The following FOXN3 variants were observed in gnomAD, a reference collection of about 807,000 sequenced individuals.
FOXN3 encodes forkhead box protein N3.
A neutral mutation model predicts 38.4 loss-of-function variants in FOXN3; 7 were observed. That is an observed-to-expected ratio of 0.18 (90% CI 0.10 to 0.34). The LOEUF (loss-of-function observed/expected upper bound fraction) is 0.34. FOXN3 is among the 10% of genes least tolerant of loss of function. The probability of loss-of-function intolerance (pLI) is 1.00; values close to 1 mark genes in which losing one functional copy is unlikely to be tolerated. For synonymous variants in FOXN3, 230 were observed against 242.2 expected (o/e 0.95, Z 0.47); for missense variants, 456 against 613.4 (o/e 0.74, Z 2.71).
intron 3 of FOXN3, among the ~76,000 whole-genome samples, chr14:89,310,682 T>G (rs765061788): frequency 6.6e-6 from 1 of 152,172 alleles, no homozygotes; most frequent in Non-Finnish European, 1.5e-5. Context: ...CTGCTAGCAT[T>G]TGGGCACCAT....
At position 89,264,218 on chromosome 14, in the gene FOXN3, C is replaced by G. The variant is rs1394038545; in HGVS notation, c.745+16732G>C. 2.6e-5 allele frequency among the ~76,000 whole-genome samples: 4 copies of G among 152,064 alleles called. No homozygotes were observed. The East Asian group carries it at 7.7e-4, about 29-fold the overall frequency. ...GCTGCTGATAAAGACATACCCGAGA[C>G]TGGGTAATTTGTAAAGAAAAAGGTT... On this transcript the variant is annotated intron_variant, in intron 4 of 5. Coordinates refer to ENST00000557258, the MANE Select transcript of FOXN3 (RefSeq NM_005197.4).
At chr14:89,537,656 C>T (rs182845401) in intron 1 of FOXN3, among the ~76,000 whole-genome samples, 121 of 152,352 alleles carry the variant, frequency 7.9e-4, no homozygotes, top group Admixed American at 1.7e-3. Context: ...CTTGGTTCCC[C>T]CACTGCCTTT....
At chr14:89,347,931 A>C (rs2015575) in intron 3 of FOXN3, among the ~76,000 whole-genome samples, 75,515 of 151,896 alleles carry the variant, frequency 0.5, 20,251 homozygotes, top group African/African-American at 0.72. Flanking sequence ...TCCAGCCTGG[A>C]GAGAGAGCAA....
chr14:89,557,308 C>G (rs1391853973), intron 1 of FOXN3, among the ~76,000 whole-genome samples: 5 of 152,170 alleles, frequency 3.3e-5, no homozygotes, highest in Admixed American at 6.5e-5. Context: ...AATTCCCACT[C>G]TTATTGGGGG....
intron 1 of FOXN3, among the ~76,000 whole-genome samples, chr14:89,451,333 T>C (rs565514408): frequency 6.6e-6 from 1 of 152,276 alleles, no homozygotes; most frequent in African/African-American, 2.4e-5. Context: ...GACAGTTTGG[T>C]AACAAGATGC....
chr14:89,303,063 G>A (rs909729089), intron 3 of FOXN3, among the ~76,000 whole-genome samples: 1 of 152,200 alleles, frequency 6.6e-6, no homozygotes, highest in Non-Finnish European at 1.5e-5. Flanking sequence ...CCTGTGACCT[G>A]TGCCACTTCC....
At chr14:89,598,534 G>A (rs768020828) in intron 1 of FOXN3, among the ~76,000 whole-genome samples, 8 of 152,216 alleles carry the variant, frequency 5.3e-5, no homozygotes, top group African/African-American at 1.2e-4. Context: ...ATCCTCTCAC[G>A]TCAGCCTCCC....
chr14:89,461,257 A>G (rs2139728062), intron 1 of FOXN3, among the ~76,000 whole-genome samples: 1 of 151,960 alleles, frequency 6.6e-6, no homozygotes, highest in East Asian at 1.9e-4. Flanking sequence ...GAATCGCTTG[A>G]ACCTGGGATG....
At chr14:89,352,614 T>C (rs1596206000) in intron 2 of FOXN3, among the ~76,000 whole-genome samples, 1 of 152,260 alleles carries the variant, frequency 6.6e-6, no homozygotes, top group East Asian at 1.9e-4. Flanking sequence ...CAGCAATAGC[T>C]ACACTGAGGG....
chr14:89,298,459 G>A (rs1353835155), intron 3 of FOXN3, among the ~76,000 whole-genome samples: 2 of 132,544 alleles, frequency 1.5e-5, no homozygotes, highest in Non-Finnish European at 3.1e-5. Flanking sequence ...GATAGAGGGA[G>A]ACTCCGTCTA....
At chr14:89,249,717 A>G (rs1885398259) in intron 4 of FOXN3, among the ~76,000 whole-genome samples, 1 of 152,206 alleles carries the variant, frequency 6.6e-6, no homozygotes, top group African/African-American at 2.4e-5. Flanking sequence ...ACGATGGGAC[A>G]ATGCCATAAA....
At chr14:89,382,184 C>A (rs972125189) in intron 2 of FOXN3, among the ~76,000 whole-genome samples, 3 of 152,144 alleles carry the variant, frequency 2.0e-5, no homozygotes, top group Admixed American at 1.3e-4. Flanking sequence ...CAGCTATCAT[C>A]AGAGCCTGTG....
chr14:89,179,554 G>C (rs980677584), intron 5 of FOXN3, among the ~76,000 whole-genome samples: 5 of 152,198 alleles, frequency 3.3e-5, no homozygotes, highest in Non-Finnish European at 5.9e-5. Flanking sequence ...CAAGCAACCA[G>C]GACCTGGCAC....
At chr14:89,234,754 T>C (rs920666174) in intron 4 of FOXN3, among the ~76,000 whole-genome samples, 3 of 151,640 alleles carry the variant, frequency 2.0e-5, no homozygotes, top group Non-Finnish European at 4.4e-5. Context: ...TGGACAGGTG[T>C]GAGCTGGTAA....
At chr14:89,418,575 G>C (rs1447644685), upstream of FOXN3, among the ~76,000 whole-genome samples, 1 of 152,028 alleles carries the variant, frequency 6.6e-6, no homozygotes, top group African/African-American at 2.4e-5. Flanking sequence ...TGGAAGCCCA[G>C]GGGTAGCCTG....
At chr14:89,440,631 G>A (rs987951309) in intron 1 of FOXN3, among the ~76,000 whole-genome samples, 4 of 151,910 alleles carry the variant, frequency 2.6e-5, no homozygotes, top group Non-Finnish European at 4.4e-5. Context: ...GAGAACAAAC[G>A]CCCTTTGACT....
intron 2 of FOXN3, among the ~76,000 whole-genome samples, chr14:89,354,824 C>T (rs552995389): frequency 6.6e-6 from 1 of 151,928 alleles, no homozygotes; most frequent in East Asian, 2.0e-4. Flanking sequence ...CATTGCACTC[C>T]AGCCTGGGTG....
chr14:89,177,819 C>CAGAG (rs1887563436), intron 5 of FOXN3, among the ~76,000 whole-genome samples: 4 of 152,094 alleles, frequency 2.6e-5, no homozygotes, highest in African/African-American at 9.7e-5. Context: ...GCTTCCTAGT[C>CAGAG]CCTGCCCCCC....
At chr14:89,190,495 T>C (rs755298667) in intron 4 of FOXN3, 33 of 1,233,310 alleles carry the variant, frequency 2.7e-5, no homozygotes, top group Non-Finnish European at 3.3e-5. Context: ...ACGGGGCCGG[T>C]GTGTGTGTGT....
Sources: gnomAD v4.1 joint callset for allele counts (sites outside exome capture counted in the v4.1 genomes callset) on GRCh38, gnomAD v4.1.1 for gene constraint, MANE v1.5 for transcripts, NCBI Gene and HGNC (gene_info 2026-07-23, HGNC 2026-07-21) for gene names.